The following MGAT4C variants were observed in gnomAD, a reference collection of about 807,000 sequenced individuals.
MGAT4C encodes MGAT4 family member C.
Under a neutral mutation model 40.1 loss-of-function variants are expected in MGAT4C, and 19 were observed. That is an observed-to-expected ratio of 0.47 (90% confidence interval 0.33 to 0.70). The LOEUF (loss-of-function observed/expected upper bound fraction) is 0.70. MGAT4C is among the 30% of genes least tolerant of loss of function. The pLI is 0.02. For synonymous variants in MGAT4C, 181 were observed against 187.1 expected (o/e 0.97, Z 0.27); for missense variants, 491 against 563.2 (o/e 0.87, Z 1.30).
rs1291577171 is a variant in MGAT4C, at chr12:86,782,364, A to G, written c.-261-55123T>C. On this transcript the variant is annotated intron_variant, in intron 1 of 7. Coordinates refer to the MGAT4C transcript ENST00000548651. The stretch of plus-strand genomic sequence containing the variant: ...GCCCGGCTAATTTTTTGTATTTTTA[A>G]TAGAGACAGGGTTTCACCATGTTAG... 5.9e-5 allele frequency among the ~76,000 whole-genome samples: 9 copies of G among 151,556 alleles called. No homozygotes were observed. The East Asian group carries it at 1.8e-3, about 30-fold the overall frequency.
chr12:86,109,629 G>A (rs992445116), intron 1 of MGAT4C, among the ~76,000 whole-genome samples: 4 of 151,806 alleles, frequency 2.6e-5, no homozygotes, highest in African/African-American at 9.7e-5. Flanking sequence ...TACAAGCATG[G>A]AAAAATATTT....
intron 1 of MGAT4C, among the ~76,000 whole-genome samples, chr12:86,110,298 C>CTATATATATAGTCTATATATATATATAG: frequency 6.4e-5 from 1 of 15,710 alleles, no homozygotes. Flanking sequence ...TATATAGTCT[C>CTATATATATAGTCTATATATATATATAG]TCTATATATA....
intron 1 of MGAT4C, among the ~76,000 whole-genome samples, chr12:86,158,430 A>G (rs937346454): frequency 1.3e-5 from 2 of 152,196 alleles, no homozygotes; most frequent in South Asian, 2.1e-4. Flanking sequence ...TAGGCATAAA[A>G]TATTGAAATA....
chr12:86,012,753 A>AAACAACAACAACAACAACAACAAC (rs552362981), intron 2 of MGAT4C, among the ~76,000 whole-genome samples: 2 of 109,656 alleles, frequency 1.8e-5, no homozygotes, highest in Non-Finnish European at 1.9e-5. Context: ...ACTCCGTCTC[A>AAACAACAACAACAACAACAACAAC]AACAACAACA....
chr12:86,686,259 C>A (rs966898375), intron 2 of MGAT4C, among the ~76,000 whole-genome samples: 1 of 151,866 alleles, frequency 6.6e-6, no homozygotes, highest in Non-Finnish European at 1.5e-5. Context: ...AGTTTGGGGG[C>A]TGAGACAATG....
chr12:86,073,742 C>T (rs76723078), intron 1 of MGAT4C, among the ~76,000 whole-genome samples: 19 of 152,114 alleles, frequency 1.2e-4, no homozygotes, highest in African/African-American at 4.3e-4. Context: ...ACCCATACCC[C>T]CCATTGTACC....
chr12:86,293,736 A>G (rs986378572), intron 4 of MGAT4C, among the ~76,000 whole-genome samples: 2 of 152,158 alleles, frequency 1.3e-5, no homozygotes, highest in African/African-American at 4.8e-5. Flanking sequence ...GGTGGAGGTA[A>G]TTAGATCATG....
chr12:86,243,029 G>C (rs1951853021), intron 1 of MGAT4C, among the ~76,000 whole-genome samples: 1 of 152,144 alleles, frequency 6.6e-6, no homozygotes, highest in African/African-American at 2.4e-5. Flanking sequence ...ATAATGGGTT[G>C]AAAATAGGGG....
intron 2 of MGAT4C, among the ~76,000 whole-genome samples, chr12:86,650,937 G>C (rs917008530): frequency 2.0e-5 from 3 of 151,818 alleles, no homozygotes; most frequent in Middle Eastern, 3.2e-3. Flanking sequence ...GTTTTTATAG[G>C]AGCTGATTAT....
intron 2 of MGAT4C, among the ~76,000 whole-genome samples, chr12:86,580,269 T>C (rs1960728230): frequency 6.6e-6 from 1 of 151,510 alleles, no homozygotes; most frequent in African/African-American, 2.4e-5. Context: ...CATGCTATAT[T>C]TTCTCTAGGC....
chr12:86,264,984 A>G (rs928021147), intron 4 of MGAT4C, among the ~76,000 whole-genome samples: 1 of 152,264 alleles, frequency 6.6e-6, no homozygotes, highest in Admixed American at 6.5e-5. Context: ...TGGCATCTCC[A>G]ATCTTCTGGG....
At chr12:86,311,954 G>T (rs144215456) in intron 4 of MGAT4C, among the ~76,000 whole-genome samples, 1 of 152,092 alleles carries the variant, frequency 6.6e-6, no homozygotes, top group East Asian at 1.9e-4. Flanking sequence ...ATGGGGCTTT[G>T]CCCAAGGCAC....
intron 1 of MGAT4C, among the ~76,000 whole-genome samples, chr12:86,081,848 T>A (rs538025153): frequency 9.2e-5 from 14 of 152,302 alleles, no homozygotes; most frequent in African/African-American, 3.1e-4. Context: ...TGTGACAGGC[T>A]GTGGGTCCTG....
intron 4 of MGAT4C, among the ~76,000 whole-genome samples, chr12:86,276,527 TA>T (rs773957590): frequency 5.3e-5 from 8 of 152,208 alleles, no homozygotes; most frequent in Non-Finnish European, 8.8e-5. Flanking sequence ...TTTTTCTGTT[TA>T]TTTTTTTATT....
intron 1 of MGAT4C, among the ~76,000 whole-genome samples, chr12:86,069,552 G>T (rs572575181): frequency 5.9e-5 from 9 of 151,564 alleles, no homozygotes; most frequent in African/African-American, 2.2e-4. Context: ...ATGGCAGATT[G>T]GGTAAGAAAA....
chr12:86,384,933 GAT>G (rs577513779), intron 3 of MGAT4C, among the ~76,000 whole-genome samples: 24 of 152,284 alleles, frequency 1.6e-4, no homozygotes, highest in South Asian at 4.1e-4. Context: ...TTCTCTTTCA[GAT>G]GGTTAATTTC....
intron 2 of MGAT4C, among the ~76,000 whole-genome samples, chr12:86,506,537 A>T (rs1463509786): frequency 6.6e-6 from 1 of 152,202 alleles, no homozygotes; most frequent in Non-Finnish European, 1.5e-5. Context: ...GAAAGTAGAT[A>T]TTTCTACAAA....
intron 4 of MGAT4C, among the ~76,000 whole-genome samples, chr12:86,279,846 CA>C (rs1566254210): frequency 1.3e-5 from 2 of 151,766 alleles, no homozygotes; most frequent in African/African-American, 4.8e-5. Context: ...TTCCCATTGT[CA>C]TTTGTTTCAA....
rs184106590 is a variant in MGAT4C at position 85,974,360 on chromosome 12, G to C, written c.*4929C>G. On this transcript the variant is annotated 3_prime_UTR_variant, in exon 5 of 5. Transcript: ENST00000611864. ...TCCAAGAATAAGTGGAGGTGTAAAG[G>C]CTAAAAAATAATGCAAATGGTGCAT... is the stretch of plus-strand genomic sequence containing the variant. 1 of 150,594 alleles carries C rather than the reference G, an allele frequency of 6.6e-6. No homozygotes were observed. The highest frequency in any genetic ancestry group is 1.9e-4 in the East Asian group (1 of 5,168). The allele number at this position is 150,594 out of a possible 1,614,324, so 9.3% of individuals were successfully genotyped here.
Sources: allele counts gnomAD v4.1 joint callset (sites outside exome capture counted in the v4.1 genomes callset), GRCh38; gene constraint gnomAD v4.1.1; transcripts MANE v1.5; gene names NCBI Gene and HGNC (gene_info 2026-07-23, HGNC 2026-07-21).